AVL9: variants seen among roughly 807,000 people sequenced by gnomAD.
AVL9 encodes late secretory pathway protein AVL9 homolog.
AVL9 carries 49 observed loss-of-function variants against 79.2 expected under a neutral mutation model. That is an observed-to-expected ratio of 0.62 (90% CI 0.49 to 0.79). The LOEUF (loss-of-function observed/expected upper bound fraction) is 0.79. Among genes scored for constraint, AVL9 ranks in the 30% least tolerant of loss-of-function variants. The pLI, the probability that AVL9 is intolerant of heterozygous loss-of-function variation, is 0.00. For synonymous variants in AVL9, 299 were observed against 280.6 expected (o/e 1.07, Z -0.65); for missense variants, 682 against 776.8 (o/e 0.88, Z 1.45).
In AVL9 at chr7:32,543,111, C is replaced by T. The variant is rs556341387; in HGVS notation, c.94-30C>T. The T allele has an allele frequency of 4.8e-5, 77 of 1,611,332 alleles. No homozygotes were observed. The East Asian group carries it at 1.0e-3, about 21-fold the overall frequency. ...ATAAAATGCTTCCTTTGGTCAACCA[C>T]CTTTTGGCTAACATTCCTTACTATT... On this transcript the variant is annotated intron_variant, in intron 1 of 15. Transcript: ENST00000318709.
Position 32,543,200 on chromosome 7 carries a change from T to C in AVL9, c.153T>C (p.Pro51=), listed in dbSNP as rs79949345. The C allele has an allele frequency of 4.0e-4, 641 of 1,614,164 alleles. 2 individuals are homozygous for C. In the African/African-American group the frequency reaches 8.0e-3, roughly 20 times the overall value. Residue 51 remains proline, a synonymous_variant, in exon 2 of 16, where the codon CCT becomes CCC. Coordinates refer to ENST00000318709, the MANE Select transcript of AVL9 (RefSeq NM_015060.3). ...ATGGACATGACAGCCACACTTTACC[T>C]GAAGAATGGAAGTATTTGCCCTTCC... ...PGDGHDSHTL[P]EEWKYLPFLA...
At chr7:32,533,212 C>T (rs1788747157) in intron 1 of AVL9, 2 of 152,192 alleles carry the variant, frequency 1.3e-5, no homozygotes, top group African/African-American at 4.8e-5. Context: ...GAGGCTGAGG[C>T]AGGAGAATCG....
At chr7:32,564,932 C>T (rs951068098) in intron 10 of AVL9, among the ~76,000 whole-genome samples, 2 of 152,102 alleles carry the variant, frequency 1.3e-5, no homozygotes, top group African/African-American at 4.8e-5. Flanking sequence ...ACCAGAGGAA[C>T]ATTGAAGTGG....
intron 1 of AVL9, among the ~76,000 whole-genome samples, chr7:32,529,833 G>T (rs1788569169): frequency 6.6e-6 from 1 of 152,182 alleles, no homozygotes; most frequent in African/African-American, 2.4e-5. Context: ...TGCTTTAGAA[G>T]ATGTCCTTAT....
intron 1 of AVL9, among the ~76,000 whole-genome samples, chr7:32,515,696 GCTGGTCGTAGTTTCTC>G (rs1032177434): frequency 3.3e-5 from 5 of 152,142 alleles, no homozygotes; most frequent in Admixed American, 2.6e-4. Context: ...TTATGATGCA[GCTGGTCGTAGTTTCTC>G]CTTACTGTTA....
chr7:32,533,032 G>A (rs577688078), intron 1 of AVL9: 1 of 142,602 alleles, frequency 7.0e-6, no homozygotes, highest in Admixed American at 7.5e-5. Flanking sequence ...ACAGAACAAG[G>A]CCAGGCACGG....
intron 3 of AVL9, 136 bp downstream of exon 3, chr7:32,544,915 A>T: frequency 4.9e-6 from 3 of 616,466 alleles, no homozygotes; most frequent in Non-Finnish European, 8.5e-6. Flanking sequence ...TGTTTTTTCA[A>T]TAGTGCCAGT....
rs1267654103 is a variant in AVL9, at chr7:32,563,290, C to T, written c.1215+3826C>T. Among the ~76,000 whole-genome samples, 10 of 152,032 alleles carry T rather than the reference C, an allele frequency of 6.6e-5. 1 individual carries two copies. The highest frequency in any genetic ancestry group is 1.5e-4 in the Non-Finnish European group (10 of 68,008). On this transcript the variant is annotated intron_variant, in intron 10 of 15. Coordinates refer to ENST00000318709, the MANE Select transcript of AVL9 (RefSeq NM_015060.3). ...CAGGTGATCCACCCACCTTGGCCTC[C>T]CAAAGTGCTGGGATTACAGGCATGA...
chr7:32,543,269 A>T lies in AVL9; in HGVS notation c.214+8A>T, dbSNP rs1438268806. On this transcript the variant is annotated splice_region_variant and intron_variant, in intron 2 of 15. Coordinates refer to ENST00000318709, the MANE Select transcript of AVL9 (RefSeq NM_015060.3). The stretch of plus-strand genomic sequence containing the variant: ...CACACAACTACCAGGAAGGTATGTA[A>T]CAAGACAGTGAAGCAGTTAGGTGCC... The T allele has an allele frequency of 1.2e-6, 2 of 1,612,564 alleles. No homozygotes were observed. Among genetic ancestry groups the T allele is most frequent in the Admixed American group, 1.7e-5 (1 of 59,634 alleles).
At chr7:32,543,828 G>T (rs1206079281) in intron 2 of AVL9, among the ~76,000 whole-genome samples, 6 of 152,098 alleles carry the variant, frequency 3.9e-5, no homozygotes, top group Admixed American at 2.6e-4. Flanking sequence ...CTTAATGAAG[G>T]ACTGTATTTT....
chr7:32,580,101 C>T, intron 13 of AVL9, 118 bp from the exon 14 acceptor site: 2 of 748,320 alleles, frequency 2.7e-6, no homozygotes, highest in East Asian at 5.4e-5. Context: ...ATACCAAACA[C>T]AGCACTACCA....
intron 11 of AVL9, among the ~76,000 whole-genome samples, chr7:32,570,417 A>C (rs1451832676): frequency 2.0e-5 from 3 of 152,176 alleles, no homozygotes; most frequent in African/African-American, 7.2e-5. Context: ...AACAGCCAGT[A>C]AACAGGTAAA....
At position 32,570,171 on chromosome 7, in the gene AVL9, G is replaced by C; in HGVS notation, c.1350+17G>C. Reference sequence around the variant, plus strand: ...ATTGTGGAAGTACGTTTATGTGTGAGTGTGTGTATTTGGCCCTGCTCATCC... The same window carrying C: ...ATTGTGGAAGTACGTTTATGTGTGACTGTGTGTATTTGGCCCTGCTCATCC... On this transcript the variant is annotated intron_variant, in intron 11 of 15. Coordinates refer to ENST00000318709, the MANE Select transcript of AVL9 (RefSeq NM_015060.3). 1 of 1,613,894 alleles carries C rather than the reference G, an allele frequency of 6.2e-7. No individual in the cohort carries two copies. Among genetic ancestry groups the C allele is most frequent in the Non-Finnish European group, 8.5e-7 (1 of 1,179,836 alleles).
intron 8 of AVL9, among the ~76,000 whole-genome samples, chr7:32,557,598 C>T (rs1790124436): frequency 6.6e-6 from 1 of 152,100 alleles, no homozygotes; most frequent in African/African-American, 2.4e-5. Flanking sequence ...AGTGGTGTGT[C>T]TCTGTCAGGA....
chr7:32,584,146 T>A lies in AVL9; in HGVS notation c.*239T>A, dbSNP rs1429836072. The stretch of plus-strand genomic sequence containing the variant: ...TACTTTTATTTCAGTCTGAGCCTGA[T>A]TAAAACATACAGTGAACCTTCTAAT... On this transcript the variant is annotated 3_prime_UTR_variant, in exon 16 of 16. Coordinates refer to ENST00000318709, the MANE Select transcript of AVL9 (RefSeq NM_015060.3). 5.5e-6 allele frequency: 3 copies of A among 545,062 alleles called. No homozygotes were observed. The highest frequency in any genetic ancestry group is 1.9e-5 in the African/African-American group (1 of 52,406). The allele number at this position is 545,062 out of a possible 1,614,324, so 33.8% of individuals were successfully genotyped here.
chr7:32,570,274 A>T (rs1562795580), intron 11 of AVL9, 120 bp downstream of exon 11: 2 of 1,308,844 alleles, frequency 1.5e-6, no homozygotes, highest in East Asian at 4.6e-5. Flanking sequence ...ACTGTATGCC[A>T]TGTATTCTAA....
intron 10 of AVL9, 107 bp downstream of exon 10, chr7:32,559,571 T>C: frequency 8.4e-7 from 1 of 1,194,292 alleles, no homozygotes; most frequent in Non-Finnish European, 1.1e-6. Flanking sequence ...TGGAAAAATT[T>C]CCTTGAAAAC....
intron 15 of AVL9, among the ~76,000 whole-genome samples, chr7:32,582,353 GT>G (rs1326780449): frequency 1.4e-5 from 2 of 142,328 alleles, no homozygotes; most frequent in Non-Finnish European, 3.2e-5. Flanking sequence ...TATATCCCTA[GT>G]TTTCTGAATA....
rs1189942928 is a variant in AVL9, at chr7:32,544,683, G to A, written c.215-11G>A. ...CACCTCACTATTTACATTTTTCTAT[G>A]TATCTCTTAGATACTGTGTTTTTTC... On this transcript the variant is annotated splice_polypyrimidine_tract_variant and intron_variant, in intron 2 of 15. Transcript: ENST00000318709. 1 of 1,597,936 alleles carries A rather than the reference G, an allele frequency of 6.3e-7. No individual in the cohort carries two copies. Among genetic ancestry groups the A allele is most frequent in the East Asian group, 2.2e-5 (1 of 44,732 alleles).
Sources: gnomAD v4.1 joint callset for allele counts (sites outside exome capture counted in the v4.1 genomes callset) on GRCh38, gnomAD v4.1.1 for gene constraint, MANE v1.5 for transcripts, NCBI Gene and HGNC (gene_info 2026-07-23, HGNC 2026-07-21) for gene names.